ZNF202: variants seen among roughly 807,000 people sequenced by gnomAD.
The protein encoded by ZNF202 is zinc finger protein with KRAB and SCAN domains 10.
Under a neutral mutation model 54.5 loss-of-function variants are expected in ZNF202, and 22 were observed. The ratio of observed to expected loss-of-function variants is 0.40; its 90% CI spans 0.29 to 0.58. The LOEUF is 0.58. Ranked by LOEUF, ZNF202 falls within the 20% of genes least tolerant of loss-of-function variation. The pLI, the probability that ZNF202 is intolerant of heterozygous loss-of-function variation, is 0.39. For missense variants in ZNF202, 644 were observed against 805.5 expected, an observed-to-expected ratio of 0.80 and a Z score of 2.43; for synonymous variants, 294 against 301.4, an observed-to-expected ratio of 0.98 and a Z score of 0.26.
At chr11:123,736,641 A>G (rs1262645365) in intron 3 of ZNF202, among the ~76,000 whole-genome samples, 2 of 152,188 alleles carry the variant, frequency 1.3e-5, no homozygotes, top group African/African-American at 4.8e-5. Context: ...TCCTATATAC[A>G]AGCGCTTACC....
At chr11:123,739,962 T>C (rs1421841815) in intron 3 of ZNF202, among the ~76,000 whole-genome samples, 155 bp downstream of exon 3, 1 of 152,082 alleles carries the variant, frequency 6.6e-6, no homozygotes, top group Admixed American at 6.5e-5. Context: ...ACCTAGCAAA[T>C]GAAGTAAATC....
intron 3 of ZNF202, among the ~76,000 whole-genome samples, chr11:123,737,627 T>C (rs531968375): frequency 1.3e-5 from 2 of 152,268 alleles, no homozygotes; most frequent in South Asian, 2.1e-4. Flanking sequence ...AAACATGTCA[T>C]TGAGAGTAAA....
chr11:123,728,069 A>C, intron 7 of ZNF202, 64 bp downstream of exon 7: 1 of 1,561,834 alleles, frequency 6.4e-7, no homozygotes, highest in Non-Finnish European at 8.7e-7. Flanking sequence ...AAGATCCCCC[A>C]AAATTTCCAG....
chr11:123,729,873 C>G, intron 4 of ZNF202, 48 bp from the exon 5 acceptor site: 1 of 1,541,336 alleles, frequency 6.5e-7, no homozygotes, highest in Non-Finnish European at 8.7e-7. Flanking sequence ...GGAGGAAGTT[C>G]TTGGTTGTCA....
In ZNF202 at chr11:123,723,956, T is replaced by C. The variant is rs917982987; in HGVS notation, c.*2041A>G. On this transcript the variant is annotated 3_prime_UTR_variant, in exon 9 of 9. Transcript: ENST00000530393. ...TCTGACAGATTTTCATTTATTGGAA[T>C]AATGCAAATAAGAAAATTAAAAAGT... Among the ~76,000 whole-genome samples, 1 of 152,202 alleles carries C rather than the reference T, an allele frequency of 6.6e-6. No individual in the cohort carries two copies. The highest frequency in any genetic ancestry group is 1.5e-5 in the Non-Finnish European group (1 of 68,036).
At position 123,726,927 on chromosome 11, in the gene ZNF202, G is replaced by C; in HGVS notation, c.1017C>G (p.His339Gln). ...EQEDLSLEDI[H>Q]RPVLGEPEIH... ...TTTCTGGTTCTCCCAAAACAGGCCTGTGTATATCCTCCAAACTCAGATCTT... is the reference window on the plus strand; with the variant it reads ...TTTCTGGTTCTCCCAAAACAGGCCTCTGTATATCCTCCAAACTCAGATCTT... The change falls in exon 9 of 9, where the codon CAC becomes CAG. Residue 339 changes from histidine (H) to glutamine (Q), a missense_variant. Physicochemically the swap from His to Gln is conservative, Grantham distance 24 (BLOSUM62 0). Coordinates refer to ENST00000530393, the MANE Select transcript of ZNF202 (RefSeq NM_003455.4). This position sits in a 1 kb window ranked among gnomAD's most constrained non-coding sequence, Gnocchi z 6.0. 1 of 1,613,990 alleles carries C rather than the reference G, an allele frequency of 6.2e-7. No individual in the cohort carries two copies. Among genetic ancestry groups the C allele is most frequent in the East Asian group, 2.2e-5 (1 of 44,874 alleles).
chr11:123,731,400 T>C (rs61904949), intron 3 of ZNF202, among the ~76,000 whole-genome samples: 10 of 152,360 alleles, frequency 6.6e-5, no homozygotes, highest in East Asian at 1.9e-4. Flanking sequence ...CAGAATTACC[T>C]GTGGAGATTT....
intron 1 of ZNF202, among the ~76,000 whole-genome samples, chr11:123,741,251 A>T (rs1861853571): frequency 6.6e-6 from 1 of 152,094 alleles, no homozygotes; most frequent in African/African-American, 2.4e-5. Flanking sequence ...GACTAACTAC[A>T]TTTCTGCAGG....
chr11:123,730,999 T>A lies in ZNF202; in HGVS notation c.-97-14A>T. ...CTTCCAAGGGCCCTGGATAGAGAAG[T>A]AAAGACAAACAAGAGTATAAGCATG... On this transcript the variant is annotated splice_polypyrimidine_tract_variant and intron_variant, in intron 3 of 8. Transcript: ENST00000530393. This position sits in a 1 kb window ranked among gnomAD's most constrained non-coding sequence, Gnocchi z 6.0. 2 of 1,304,740 alleles carry A rather than the reference T, an allele frequency of 1.5e-6. No homozygotes were observed. The highest frequency in any genetic ancestry group is 2.1e-6 in the Non-Finnish European group (2 of 954,820). 80.8% of individuals were successfully genotyped at this position (1,304,740 alleles called of 1,614,324 possible).
In ZNF202 at chr11:123,725,379, C is replaced by T. The variant is rs540363219; in HGVS notation, c.*618G>A. The T allele has an allele frequency of 6.6e-6, 1 of 152,398 alleles. No individual in the cohort carries two copies. The highest frequency in any genetic ancestry group is 2.1e-4 in the South Asian group (1 of 4,824). The allele number at this position is 152,398 out of a possible 1,614,324, so 9.4% of individuals were successfully genotyped here. On this transcript the variant is annotated 3_prime_UTR_variant, in exon 9 of 9. Transcript: ENST00000530393. ...GGAGGGAGCAGCTTGACAAGGTCCA[C>T]ATGAAGCAGCCTTGAGATTTTTCGC...
Position 123,734,750 on chromosome 11 carries a change from T to G in ZNF202, c.-97-3765A>C, listed in dbSNP as rs185465615. Reference sequence around the variant, plus strand: ...AGGCACTCACTTCACATTTGATGAATGCAGAGAATGCTTAGTAAGGTTTTA... The same window carrying G: ...AGGCACTCACTTCACATTTGATGAAGGCAGAGAATGCTTAGTAAGGTTTTA... On this transcript the variant is annotated intron_variant, in intron 3 of 8. Coordinates refer to ENST00000530393, the MANE Select transcript of ZNF202 (RefSeq NM_003455.4). 2.0e-5 allele frequency among the ~76,000 whole-genome samples: 3 copies of G among 152,190 alleles called. No individual in the cohort carries two copies. In the East Asian group the frequency reaches 5.9e-4, roughly 30 times the overall value.
rs1861379555 is a variant in ZNF202 at position 123,730,935 on chromosome 11, A to C, written c.-47T>G. 1 of 1,567,132 alleles carries C rather than the reference A, an allele frequency of 6.4e-7. No individual in the cohort carries two copies. The stretch of plus-strand genomic sequence containing the variant: ...CACACCATCTAGAGCTCACACTGTC[A>C]TTAGCCCCCCGCCTCAGCCTGGACA... On this transcript the variant is annotated 5_prime_UTR_variant, in exon 4 of 9. The change abolishes an upstream ATG in the 5' untranslated region. Coordinates refer to ENST00000530393, the MANE Select transcript of ZNF202 (RefSeq NM_003455.4). This position sits in a 1 kb window ranked among gnomAD's most constrained non-coding sequence, Gnocchi z 6.0.
intron 1 of ZNF202, among the ~76,000 whole-genome samples, chr11:123,741,228 G>C (rs1861851655): frequency 6.6e-6 from 1 of 152,152 alleles, no homozygotes; most frequent in Non-Finnish European, 1.5e-5. Flanking sequence ...AGCGTTAGGA[G>C]GTACGAGGTA....
chr11:123,734,316 T>C (rs1861542190), intron 3 of ZNF202, among the ~76,000 whole-genome samples: 2 of 152,148 alleles, frequency 1.3e-5, no homozygotes, highest in South Asian at 4.1e-4. Flanking sequence ...AGGTTAAAAT[T>C]TAAACTTCTT....
chr11:123,728,553 T>G (rs993127649), intron 6 of ZNF202, among the ~76,000 whole-genome samples: 13 of 152,206 alleles, frequency 8.5e-5, no homozygotes, highest in Admixed American at 6.5e-5. Context: ...ACTTGACACT[T>G]TAACGCTATA....
At chr11:123,727,397 G>A (rs1861198975) in intron 8 of ZNF202, 79 bp downstream of exon 8, 2 of 1,586,384 alleles carry the variant, frequency 1.3e-6, no homozygotes, top group Non-Finnish European at 1.7e-6. Context: ...ATGAGAGCGG[G>A]GCCCTACAGA....
intron 3 of ZNF202, among the ~76,000 whole-genome samples, chr11:123,735,925 G>A (rs2137362772): frequency 6.6e-6 from 1 of 152,264 alleles, no homozygotes; most frequent in African/African-American, 2.4e-5. Context: ...TCCAGAGTAA[G>A]ACAAAAACTA....
At chr11:123,733,918 C>T (rs11219261) in intron 3 of ZNF202, among the ~76,000 whole-genome samples, 127 of 152,298 alleles carry the variant, frequency 8.3e-4, no homozygotes, top group African/African-American at 2.8e-3. Flanking sequence ...TTTCACACAG[C>T]GTCAGCTTCC....
At chr11:123,736,545 C>T (rs1861639215) in intron 3 of ZNF202, among the ~76,000 whole-genome samples, 1 of 152,172 alleles carries the variant, frequency 6.6e-6, no homozygotes, top group Non-Finnish European at 1.5e-5. Context: ...GTTAACCGCT[C>T]TTTTCCAATG....
Sources: allele counts gnomAD v4.1 joint callset (sites outside exome capture counted in the v4.1 genomes callset), GRCh38; gene constraint gnomAD v4.1.1; non-coding constraint Gnocchi (gnomAD v3.1); transcripts MANE v1.5; gene names NCBI Gene and HGNC (gene_info 2026-07-23, HGNC 2026-07-21).